TENM4: variants seen among roughly 807,000 people sequenced by gnomAD.
TENM4 encodes teneurin transmembrane protein 4, also known as teneurin-4.
In TENM4, 82 loss-of-function variants were observed where a neutral mutation model predicts 243.3. The observed-to-expected ratio is 0.34, with a 90% CI of 0.28 to 0.40. TENM4 has a LOEUF of 0.40. Ranked by LOEUF, TENM4 falls within the 10% of genes least tolerant of loss-of-function variation. The pLI is 1.00. For synonymous variants in TENM4, 1,412 were observed against 1,456.3 expected, an observed-to-expected ratio of 0.97 and a Z score of 0.69; for missense variants, 3,138 against 3,673.3, an observed-to-expected ratio of 0.85 and a Z score of 3.77.
chr11:78,993,882 C>T (rs547162696), intron 6 of TENM4, among the ~76,000 whole-genome samples: 15 of 152,228 alleles, frequency 9.9e-5, no homozygotes, highest in African/African-American at 3.6e-4. Flanking sequence ...GTTATGAGTT[C>T]CCTATCCTTC....
At chr11:78,959,197 A>C (rs1487422175) in intron 6 of TENM4, among the ~76,000 whole-genome samples, 1 of 152,148 alleles carries the variant, frequency 6.6e-6, no homozygotes, top group East Asian at 1.9e-4. Context: ...ACCATGCACC[A>C]AACTGTTAAA....
At chr11:79,431,564 A>G (rs1392239547) in intron 1 of TENM4, among the ~76,000 whole-genome samples, 2 of 152,222 alleles carry the variant, frequency 1.3e-5, no homozygotes, top group East Asian at 3.8e-4. Flanking sequence ...TTGCATTTCA[A>G]CCAGCAGCAA....
intron 1 of TENM4, among the ~76,000 whole-genome samples, chr11:79,423,370 A>G (rs12361223): frequency 0.22 from 33,416 of 151,256 alleles, 3,894 homozygotes; most frequent in East Asian, 0.36. Context: ...AAGTTCCACT[A>G]AAGAGTCAGG....
intron 29 of TENM4, among the ~76,000 whole-genome samples, chr11:78,685,012 T>A (rs79700727): frequency 0.04 from 6,087 of 152,252 alleles, 237 homozygotes; most frequent in African/African-American, 0.089. Flanking sequence ...CTAGAATGGC[T>A]TCAAACAGGC....
chr11:78,662,380 G>A (rs140228874), intron 32 of TENM4, among the ~76,000 whole-genome samples: 365 of 151,902 alleles, frequency 2.4e-3, no homozygotes, highest in African/African-American at 8.6e-3. Flanking sequence ...TAGTAGAGAC[G>A]GGGTTTTACC....
At chr11:79,134,953 G>T (rs1056012763) in intron 4 of TENM4, among the ~76,000 whole-genome samples, 1 of 152,034 alleles carries the variant, frequency 6.6e-6, no homozygotes, top group Non-Finnish European at 1.5e-5. Flanking sequence ...TCATGACCAA[G>T]AACCCAAAAG....
intron 1 of TENM4, among the ~76,000 whole-genome samples, chr11:79,379,893 T>C (rs1857966530): frequency 6.6e-6 from 1 of 152,076 alleles, no homozygotes; most frequent in Admixed American, 6.5e-5. Context: ...TGTTTACAGA[T>C]GGGGATTAGC....
At chr11:79,253,269 T>C (rs1472484219) in intron 2 of TENM4, among the ~76,000 whole-genome samples, 1 of 152,172 alleles carries the variant, frequency 6.6e-6, no homozygotes, top group East Asian at 1.9e-4. Context: ...ACTCAGGGCC[T>C]GACCACCGTA....
intron 6 of TENM4, among the ~76,000 whole-genome samples, chr11:78,941,051 G>A (rs1856882373): frequency 6.6e-6 from 1 of 152,188 alleles, no homozygotes; most frequent in South Asian, 2.1e-4. Context: ...GAATGCCCAG[G>A]CAGGCATGTC....
At chr11:78,896,691 CCTA>C (rs1177270649) in intron 7 of TENM4, among the ~76,000 whole-genome samples, 1 of 152,094 alleles carries the variant, frequency 6.6e-6, no homozygotes, top group Non-Finnish European at 1.5e-5. Flanking sequence ...CCTGCAAACT[CCTA>C]CCAATTTATG....
chr11:79,139,882 A>G lies in TENM4; in HGVS notation c.-66+8828T>C, dbSNP rs74631296. Among the ~76,000 whole-genome samples the G allele has an allele frequency of 3.3e-3, 483 of 145,186 alleles. 2 individuals carry two copies. Among genetic ancestry groups the G allele is most frequent in the African/African-American group, 0.012 (452 of 38,750 alleles). ...TTTTCCATTAGTTCTGTCCCTCTAG[A>G]GAACGCTGAGTAATACAGATGGCAT... On this transcript the variant is annotated intron_variant, in intron 4 of 33. Transcript: ENST00000278550.
intron 6 of TENM4, among the ~76,000 whole-genome samples, chr11:79,063,206 C>A (rs1021158710): frequency 2.0e-5 from 3 of 152,228 alleles, no homozygotes; most frequent in African/African-American, 7.2e-5. Context: ...TGCGTGGTCT[C>A]CTGCCCATCC....
chr11:79,221,501 C>A (rs1401112367), intron 2 of TENM4, among the ~76,000 whole-genome samples: 2 of 151,888 alleles, frequency 1.3e-5, no homozygotes, highest in African/African-American at 4.8e-5. Context: ...CACCGAGAAA[C>A]TTCACTGCAT....
At chr11:78,997,787 G>A (rs1488334070) in intron 6 of TENM4, among the ~76,000 whole-genome samples, 1 of 152,186 alleles carries the variant, frequency 6.6e-6, no homozygotes, top group Non-Finnish European at 1.5e-5. Flanking sequence ...GAATTTACAT[G>A]TTGAAGCCCT....
chr11:79,319,018 G>T (rs1355339149), intron 1 of TENM4, among the ~76,000 whole-genome samples: 8 of 152,190 alleles, frequency 5.3e-5, no homozygotes, highest in African/African-American at 1.9e-4. Context: ...GGCCAACCAT[G>T]TGCCAGTGAG....
At chr11:78,745,215 TTTTTTC>T in intron 19 of TENM4, among the ~76,000 whole-genome samples, 1 of 149,950 alleles carries the variant, frequency 6.7e-6, no homozygotes, top group East Asian at 1.9e-4. Flanking sequence ...CCTCTTTCTT[TTTTTTC>T]TTTTTCTTTT....
intron 4 of TENM4, among the ~76,000 whole-genome samples, chr11:79,113,300 A>G (rs923900032): frequency 6.6e-6 from 1 of 151,932 alleles, no homozygotes; most frequent in African/African-American, 2.4e-5. Flanking sequence ...AGACCCACGG[A>G]GGGAAAGCAT....
rs1033157959 is a variant in TENM4, at chr11:79,428,433, A to G, written c.-321+12076T>C. 3.0e-4 allele frequency among the ~76,000 whole-genome samples: 45 copies of G among 152,202 alleles called. 1 individual carries two copies. Among genetic ancestry groups the G allele is most frequent in the Non-Finnish European group, 8.8e-5 (6 of 68,028 alleles). ...TCTCTGTCACTAACCCTGGAAAGCT[A>G]TTATCATCTGATAAGCATTTTATAG... On this transcript the variant is annotated intron_variant, in intron 1 of 33. Transcript: ENST00000278550.
At chr11:78,786,096 A>G (rs1265270432) in intron 16 of TENM4, among the ~76,000 whole-genome samples, 1 of 152,256 alleles carries the variant, frequency 6.6e-6, no homozygotes, top group Non-Finnish European at 1.5e-5. Context: ...AGGATAATAA[A>G]CCAAGCAAAA....
Sources: allele counts gnomAD v4.1 joint callset (sites outside exome capture counted in the v4.1 genomes callset), GRCh38; gene constraint gnomAD v4.1.1; transcripts MANE v1.5; gene names NCBI Gene and HGNC (gene_info 2026-07-23, HGNC 2026-07-21).